The following NRG1 variants were observed in gnomAD, a reference collection of about 807,000 sequenced individuals.
The protein encoded by NRG1 is neuregulin 1.
In NRG1, 18 loss-of-function variants were observed where a neutral mutation model predicts 63.8. The observed-to-expected ratio is 0.28, with a 90% CI of 0.19 to 0.42. The LOEUF (loss-of-function observed/expected upper bound fraction) is 0.42. Ranked by LOEUF, NRG1 falls within the 10% of genes least tolerant of loss-of-function variation. The probability of loss-of-function intolerance (pLI) is 1.00; values close to 1 mark genes in which losing one functional copy is unlikely to be tolerated. For synonymous variants in NRG1, 302 were observed against 301.3 expected, an observed-to-expected ratio of 1.00 and a Z score of -0.02; for missense variants, 762 against 814.7, an observed-to-expected ratio of 0.94 and a Z score of 0.79.
intron 1 of NRG1, among the ~76,000 whole-genome samples, chr8:32,231,795 G>C (rs1013815231): frequency 2.0e-5 from 3 of 151,672 alleles, no homozygotes; most frequent in African/African-American, 7.3e-5. Flanking sequence ...TCAGCAACTC[G>C]GGAGGCTGAG....
At chr8:32,417,655 A>T (rs1462942697) in intron 1 of NRG1, among the ~76,000 whole-genome samples, 1 of 150,666 alleles carries the variant, frequency 6.6e-6, no homozygotes, top group East Asian at 2.0e-4. Context: ...TTATCTTTTC[A>T]AACTTTCTTT....
intron 1 of NRG1, among the ~76,000 whole-genome samples, chr8:31,976,366 T>G (rs1808176404): frequency 6.6e-6 from 1 of 152,192 alleles, no homozygotes; most frequent in South Asian, 2.1e-4. Flanking sequence ...ATTTTTGTAC[T>G]GTCTACATAT....
intron 1 of NRG1, among the ~76,000 whole-genome samples, chr8:31,979,345 A>C (rs895173989): frequency 1.3e-5 from 2 of 152,074 alleles, no homozygotes; most frequent in African/African-American, 4.8e-5. Context: ...CTCTCTAATC[A>C]GTTTTTACTG....
At chr8:32,031,589 T>TATTTATC (rs1818263161) in intron 1 of NRG1, among the ~76,000 whole-genome samples, 1 of 152,110 alleles carries the variant, frequency 6.6e-6, no homozygotes, top group Admixed American at 6.5e-5. Context: ...CCACATTAGT[T>TATTTATC]ATTTATCCTG....
At chr8:32,529,871 A>C (rs1438391516) in intron 1 of NRG1, among the ~76,000 whole-genome samples, 2 of 152,202 alleles carry the variant, frequency 1.3e-5, no homozygotes, top group Non-Finnish European at 2.9e-5. Flanking sequence ...TTTTCAGATA[A>C]GTAGAAGGAG....
intron 1 of NRG1, among the ~76,000 whole-genome samples, chr8:31,643,539 T>C (rs1804002810): frequency 6.6e-6 from 1 of 152,204 alleles, no homozygotes; most frequent in African/African-American, 2.4e-5. Context: ...AAAATGGACC[T>C]TTGGAAACAG....
intron 1 of NRG1, among the ~76,000 whole-genome samples, chr8:31,706,243 A>T (rs1811140787): frequency 6.6e-6 from 1 of 152,142 alleles, no homozygotes; most frequent in South Asian, 2.1e-4. Context: ...TTTTCTGCAT[A>T]TACAAACCTA....
chr8:32,673,603 C>T (rs1207993912), intron 5 of NRG1, among the ~76,000 whole-genome samples: 1 of 152,104 alleles, frequency 6.6e-6, no homozygotes, highest in Non-Finnish European at 1.5e-5. Context: ...TAAAAAAACA[C>T]ACAACAACCT....
chr8:32,392,080 G>C (rs1390440725), intron 1 of NRG1, among the ~76,000 whole-genome samples: 2 of 152,176 alleles, frequency 1.3e-5, no homozygotes, highest in Non-Finnish European at 2.9e-5. Flanking sequence ...TAGAACTGAG[G>C]TGGTTCATTT....
At chr8:32,329,072 G>T (rs763231556) in intron 1 of NRG1, among the ~76,000 whole-genome samples, 1 of 152,152 alleles carries the variant, frequency 6.6e-6, no homozygotes, top group East Asian at 1.9e-4. Flanking sequence ...CAGCTCAAGC[G>T]ATCCTCCCAC....
chr8:31,804,895 C>A (rs1822125160), intron 1 of NRG1, among the ~76,000 whole-genome samples: 2 of 152,190 alleles, frequency 1.3e-5, no homozygotes, highest in South Asian at 4.1e-4. Flanking sequence ...TAGAAAACTA[C>A]CCATCCCATC....
At chr8:32,229,635 A>T (rs1846696254) in intron 1 of NRG1, among the ~76,000 whole-genome samples, 1 of 152,182 alleles carries the variant, frequency 6.6e-6, no homozygotes, top group Non-Finnish European at 1.5e-5. Flanking sequence ...GCCCTTGGCC[A>T]ACAAAAGAGA....
chr8:32,080,705 A>G (rs943101514), intron 1 of NRG1, among the ~76,000 whole-genome samples: 1 of 151,906 alleles, frequency 6.6e-6, no homozygotes, highest in Non-Finnish European at 1.5e-5. Flanking sequence ...GCTAGGTGAG[A>G]TATGGCAGGG....
At chr8:32,731,029 A>G (rs564246341) in intron 6 of NRG1, among the ~76,000 whole-genome samples, 44 of 152,290 alleles carry the variant, frequency 2.9e-4, no homozygotes, top group African/African-American at 9.6e-4. Context: ...ATTTTTCATC[A>G]TCACTTAGCA....
chr8:32,651,171 G>A (rs1855034911), intron 5 of NRG1, among the ~76,000 whole-genome samples: 1 of 152,008 alleles, frequency 6.6e-6, no homozygotes, highest in Non-Finnish European at 1.5e-5. Flanking sequence ...AGGTATAGTG[G>A]CTATGTCGAA....
intron 1 of NRG1, among the ~76,000 whole-genome samples, chr8:32,150,463 T>A (rs1205372460): frequency 6.6e-6 from 1 of 152,170 alleles, no homozygotes; most frequent in Non-Finnish European, 1.5e-5. Context: ...GTTCATGCTC[T>A]TATAAAAGAG....
chr8:32,474,877 T>C (rs1278593780), intron 1 of NRG1, among the ~76,000 whole-genome samples: 2 of 152,174 alleles, frequency 1.3e-5, no homozygotes, highest in Admixed American at 6.5e-5. Flanking sequence ...TGCTAGGTAC[T>C]CTACTGGTAT....
intron 1 of NRG1, among the ~76,000 whole-genome samples, chr8:31,954,925 G>C (rs1804112252): frequency 6.6e-6 from 1 of 152,144 alleles, no homozygotes; most frequent in Non-Finnish European, 1.5e-5. Context: ...TCAGAGCAAA[G>C]ATAGAGGTTC....
intron 1 of NRG1, among the ~76,000 whole-genome samples, chr8:31,780,702 G>T (rs1819599825): frequency 6.6e-6 from 1 of 152,118 alleles, no homozygotes; most frequent in African/African-American, 2.4e-5. Context: ...AGTGGTTAAT[G>T]ATCTGTGAAC....
Sources: allele counts gnomAD v4.1 joint callset (sites outside exome capture counted in the v4.1 genomes callset), GRCh38; gene constraint gnomAD v4.1.1; transcripts MANE v1.5; gene names NCBI Gene and HGNC (gene_info 2026-07-23, HGNC 2026-07-21).